Variants in SRD5A2 observed in about 807,000 individuals in gnomAD.
SRD5A2 encodes the protein steroid 5 alpha-reductase 2.
SRD5A2 carries 30 observed loss-of-function variants against 27.4 expected under a neutral mutation model. The observed-to-expected ratio is 1.10, with a 90% CI of 0.82 to 1.49. SRD5A2 has a LOEUF of 1.49. Among genes scored for constraint, SRD5A2 ranks in the 40% most tolerant of loss-of-function variants. The pLI is 0.00. For synonymous variants in SRD5A2, 141 were observed against 133.6 expected (o/e 1.06, Z -0.38); for missense variants, 348 against 323.4 (o/e 1.08, Z -0.58).
the SRD5A2 span, among the ~76,000 whole-genome samples, chr2:31,597,708 A>G: frequency 6.6e-6 from 1 of 152,164 alleles, no homozygotes; most frequent in East Asian, 1.9e-4. Context: ...AAAATGCTCA[A>G]CATCACTAAT....
chr2:31,618,206 C>G, the SRD5A2 span, among the ~76,000 whole-genome samples: 1 of 152,122 alleles, frequency 6.6e-6, no homozygotes, highest in Non-Finnish European at 1.5e-5. Flanking sequence ...TTATTCACTA[C>G]CACAAGAACA....
the SRD5A2 span, among the ~76,000 whole-genome samples, chr2:31,616,739 G>A: frequency 6.6e-6 from 1 of 152,202 alleles, no homozygotes; most frequent in East Asian, 1.9e-4. Flanking sequence ...ACTTTGGACT[G>A]TGGACTTTGA....
chr2:31,533,682 A>G lies in SRD5A2; in HGVS notation c.366T>C (p.Asn122=), dbSNP rs774039138. 6.3e-7 allele frequency: 1 copy of G among 1,580,292 alleles called. No homozygotes were observed. Among genetic ancestry groups the G allele is most frequent in the African/African-American group, 1.3e-5 (1 of 74,300 alleles). ...ILRGTAFCTG[N]GVLQGYYLIY... ...TCAGATAGTAGCCTTGAAGGACTCC[A>G]TTTCCAGTGCAGAAGGCAGTGCCTC... The change falls in exon 2 of 5, where the codon AAT becomes AAC. Residue 122 remains asparagine (N), a synonymous_variant. Coordinates refer to ENST00000622030, the MANE Select transcript of SRD5A2 (RefSeq NM_000348.4).
the SRD5A2 span, among the ~76,000 whole-genome samples, chr2:31,589,516 G>C: frequency 1.3e-5 from 2 of 152,212 alleles, no homozygotes; most frequent in Non-Finnish European, 2.9e-5. Flanking sequence ...CTCAGCGAGA[G>C]AACACCTCCA....
chr2:31,554,388 G>C (rs1279681602), intron 1 of SRD5A2, among the ~76,000 whole-genome samples: 4 of 152,154 alleles, frequency 2.6e-5, no homozygotes, highest in Non-Finnish European at 4.4e-5. Context: ...GTGAAAATGA[G>C]CACTGTGATT....
chr2:31,587,735 C>T, the SRD5A2 span, among the ~76,000 whole-genome samples: 2 of 151,918 alleles, frequency 1.3e-5, no homozygotes, highest in African/African-American at 4.8e-5. Flanking sequence ...CATTATACAC[C>T]AGGACCTGTC....
chr2:31,566,672 T>C (rs546232231), intron 1 of SRD5A2, among the ~76,000 whole-genome samples: 8 of 152,166 alleles, frequency 5.3e-5, no homozygotes, highest in Non-Finnish European at 8.8e-5. Flanking sequence ...GGTTGTGTCA[T>C]AGCAGCTCAG....
chr2:31,592,923 T>G, the SRD5A2 span, among the ~76,000 whole-genome samples: 1 of 152,168 alleles, frequency 6.6e-6, no homozygotes, highest in African/African-American at 2.4e-5. Context: ...ACCAATTTAA[T>G]GCAGCCATAA....
At chr2:31,625,574 C>A in the SRD5A2 span, among the ~76,000 whole-genome samples, 3 of 152,192 alleles carry the variant, frequency 2.0e-5, no homozygotes, top group Non-Finnish European at 4.4e-5. Flanking sequence ...CAGCTTTCTA[C>A]ATATGGCTAG....
intron 1 of SRD5A2, among the ~76,000 whole-genome samples, chr2:31,575,932 A>G (rs187921483): frequency 5.0e-4 from 76 of 152,356 alleles, no homozygotes; most frequent in South Asian, 1.0e-3. Flanking sequence ...GAAAGTGAAG[A>G]CCAATCAGAG....
chr2:31,538,448 C>T (rs536016639), intron 1 of SRD5A2, among the ~76,000 whole-genome samples: 3 of 152,182 alleles, frequency 2.0e-5, no homozygotes. Context: ...TCTCATTAAA[C>T]CTCTCCCGGG....
At chr2:31,631,963 A>G in the SRD5A2 span, among the ~76,000 whole-genome samples, 4 of 152,206 alleles carry the variant, frequency 2.6e-5, no homozygotes, top group African/African-American at 9.6e-5. Context: ...GATGTCCCCT[A>G]TAACATAGGG....
chr2:31,645,712 A>G, the SRD5A2 span, among the ~76,000 whole-genome samples: 1 of 152,220 alleles, frequency 6.6e-6, no homozygotes, highest in African/African-American at 2.4e-5. Flanking sequence ...GGATAATATG[A>G]GTTTCTCAAT....
At chr2:31,634,023 CAG>C in the SRD5A2 span, among the ~76,000 whole-genome samples, 2 of 152,124 alleles carry the variant, frequency 1.3e-5, no homozygotes, top group Admixed American at 6.5e-5. Context: ...CTTGAGAGCA[CAG>C]GGGGATATAA....
chr2:31,590,500 C>A, the SRD5A2 span, among the ~76,000 whole-genome samples: 1 of 152,114 alleles, frequency 6.6e-6, no homozygotes, highest in South Asian at 2.1e-4. Flanking sequence ...AATGGCCATA[C>A]TGCCCAAGGT....
At position 31,524,721 on chromosome 2, in the gene SRD5A2, T is replaced by C. The variant is rs138368649; in HGVS notation, c.*1475A>G. ...TTATATAGTGAGTTTCTGTGCTTAG[T>C]ACCACTGGTGCTCATTTGTCAAAAC... is the stretch of plus-strand genomic sequence containing the variant. On this transcript the variant is annotated 3_prime_UTR_variant, in exon 5 of 5. Coordinates refer to ENST00000622030, the MANE Select transcript of SRD5A2 (RefSeq NM_000348.4). The C allele has an allele frequency of 8.7e-6, 2 of 230,872 alleles. No individual in the cohort carries two copies. Among genetic ancestry groups the C allele is most frequent in the East Asian group, 6.2e-5 (1 of 16,236 alleles). 14.3% of individuals were successfully genotyped at this position (230,872 alleles called of 1,614,324 possible).
chr2:31,611,026 T>C, the SRD5A2 span, among the ~76,000 whole-genome samples: 4 of 152,074 alleles, frequency 2.6e-5, no homozygotes, highest in Admixed American at 2.6e-4. Flanking sequence ...GGAGAATCAC[T>C]TGAACCCAGG....
chr2:31,587,524 T>A, the SRD5A2 span, among the ~76,000 whole-genome samples: 1 of 152,028 alleles, frequency 6.6e-6, no homozygotes, highest in Non-Finnish European at 1.5e-5. Flanking sequence ...GTAGACTGGA[T>A]AAGGAAAATG....
At chr2:31,638,262 T>G in the SRD5A2 span, among the ~76,000 whole-genome samples, 1 of 152,142 alleles carries the variant, frequency 6.6e-6, no homozygotes, top group Non-Finnish European at 1.5e-5. Context: ...GTTTTTTGAT[T>G]TCTAGTTTTA....
Sources: allele counts gnomAD v4.1 joint callset (sites outside exome capture counted in the v4.1 genomes callset), GRCh38; gene constraint gnomAD v4.1.1; transcripts MANE v1.5; gene names NCBI Gene and HGNC (gene_info 2026-07-23, HGNC 2026-07-21).